Variants in SLC17A1 observed in about 807,000 individuals in gnomAD.
SLC17A1 encodes the protein solute carrier family 17 member 1.
SLC17A1 carries 51 observed loss-of-function variants against 53.5 expected under a neutral mutation model. The ratio of observed to expected loss-of-function variants is 0.95; its 90% confidence interval spans 0.76 to 1.20. SLC17A1 has a LOEUF of 1.20. Among genes scored for constraint, SLC17A1 ranks in the 50% most tolerant of loss-of-function variants. SLC17A1 has a pLI of 0.00. For missense variants in SLC17A1, 538 were observed against 568.2 expected (o/e 0.95, Z 0.54); for synonymous variants, 179 against 198.8 (o/e 0.90, Z 0.84).
the SLC17A1 span, chr6:25,769,153 G>A: frequency 6.2e-7 from 1 of 1,613,908 alleles, no homozygotes; most frequent in African/African-American, 1.3e-5. Context: ...GACTCCCAGG[G>A]CTACTGGAAT....
chr6:25,831,496 G>A (rs1393406534), intron 1 of SLC17A1, among the ~76,000 whole-genome samples: 1 of 151,952 alleles, frequency 6.6e-6, no homozygotes, highest in African/African-American at 2.4e-5. Flanking sequence ...CCACCCATAC[G>A]TATGCACCAC....
intron 12 of SLC17A1, among the ~76,000 whole-genome samples, chr6:25,791,619 G>C (rs1014142230): frequency 1.3e-5 from 2 of 152,190 alleles, no homozygotes; most frequent in African/African-American, 4.8e-5. Flanking sequence ...ATGAACAAAA[G>C]ACTATGAATT....
chr6:25,732,014 G>A, the SLC17A1 span: 1 of 1,533,524 alleles, frequency 6.5e-7, no homozygotes, highest in Non-Finnish European at 8.9e-7. Flanking sequence ...CAGTGTCCGC[G>A]TGGACCTGCT....
chr6:25,762,377 C>T, the SLC17A1 span, among the ~76,000 whole-genome samples: 249 of 152,226 alleles, frequency 1.6e-3, 5 homozygotes, highest in East Asian at 0.027. Context: ...AAGACATGTC[C>T]TATTAGATCT....
chr6:25,816,525 G>T (rs972240355), intron 6 of SLC17A1, among the ~76,000 whole-genome samples: 11 of 152,264 alleles, frequency 7.2e-5, no homozygotes, highest in Non-Finnish European at 1.2e-4. Context: ...CTAGAGAGGG[G>T]CTAGAATGGG....
chr6:25,824,300 G>T (rs534443034), intron 3 of SLC17A1, among the ~76,000 whole-genome samples: 86 of 151,740 alleles, frequency 5.7e-4, no homozygotes, highest in African/African-American at 1.8e-3. Flanking sequence ...AAGACCATTA[G>T]AAAAGAATAA....
At chr6:25,743,446 T>C in the SLC17A1 span, among the ~76,000 whole-genome samples, 6 of 152,188 alleles carry the variant, frequency 3.9e-5, no homozygotes, top group Admixed American at 3.3e-4. Flanking sequence ...TTCTAGGTTT[T>C]ATAAACCAAT....
the SLC17A1 span, chr6:25,769,315 C>A: frequency 1.1e-6 from 1 of 910,846 alleles, no homozygotes; most frequent in Non-Finnish European, 1.6e-6. Context: ...CCAGGAATGG[C>A]ACAAGTACCT....
intron 12 of SLC17A1, among the ~76,000 whole-genome samples, chr6:25,783,525 G>T (rs1763311685): frequency 6.6e-6 from 1 of 151,988 alleles, no homozygotes; most frequent in Admixed American, 6.6e-5. Context: ...CCAGGTACAT[G>T]GTATGAAACC....
chr6:25,754,578 AT>A, the SLC17A1 span: 1 of 152,214 alleles, frequency 6.6e-6, no homozygotes, highest in Non-Finnish European at 1.5e-5. Context: ...CATGAGGAAG[AT>A]TTAATGAGCT....
chr6:25,787,153 T>C (rs1254389031), intron 12 of SLC17A1, among the ~76,000 whole-genome samples: 1 of 151,968 alleles, frequency 6.6e-6, no homozygotes, highest in Non-Finnish European at 1.5e-5. Flanking sequence ...AGGGAAAAGG[T>C]AAACCCTTTG....
chr6:25,802,238 A>G (rs772690078), intron 10 of SLC17A1, among the ~76,000 whole-genome samples: 35 of 152,328 alleles, frequency 2.3e-4, no homozygotes, highest in Non-Finnish European at 3.5e-4. Context: ...CCAATTTGGA[A>G]AAGATTTTCA....
At chr6:25,725,513 T>TA in the SLC17A1 span, among the ~76,000 whole-genome samples, 2 of 152,224 alleles carry the variant, frequency 1.3e-5, no homozygotes, top group African/African-American at 4.8e-5. Flanking sequence ...AGACTGATGT[T>TA]ACCTGGATTT....
intron 10 of SLC17A1, among the ~76,000 whole-genome samples, chr6:25,801,711 T>C (rs1467710184): frequency 6.6e-6 from 1 of 152,220 alleles, no homozygotes; most frequent in Non-Finnish European, 1.5e-5. Context: ...CTTGTTTCTT[T>C]TTTTCTGATC....
chr6:25,726,500 T>C, the SLC17A1 span: 1 of 1,611,510 alleles, frequency 6.2e-7, no homozygotes, highest in African/African-American at 1.3e-5. Context: ...GCGCGTGCTT[T>C]TCCTCCCTGC....
At chr6:25,749,729 A>G in the SLC17A1 span, among the ~76,000 whole-genome samples, 5,783 of 152,192 alleles carry the variant, frequency 0.038, 153 homozygotes, top group Non-Finnish European at 0.06. Flanking sequence ...GTTCACAGAT[A>G]CTTGCTGCCT....
the SLC17A1 span, chr6:25,773,396 A>G: frequency 6.2e-7 from 1 of 1,613,168 alleles, no homozygotes. Flanking sequence ...CTCAGCAGGT[A>G]CATTGAGGAA....
At chr6:25,724,518 A>G in the SLC17A1 span, among the ~76,000 whole-genome samples, 2 of 152,342 alleles carry the variant, frequency 1.3e-5, no homozygotes, top group East Asian at 3.9e-4. Context: ...TTTTTAATAT[A>G]TTTTATTCTA....
the SLC17A1 span, among the ~76,000 whole-genome samples, chr6:25,725,042 T>C: frequency 6.9e-6 from 1 of 145,548 alleles, no homozygotes; most frequent in Non-Finnish European, 1.5e-5. Flanking sequence ...TGAGGTAAGG[T>C]CAACTGTTGA....
Sources: gnomAD v4.1 joint callset for allele counts (sites outside exome capture counted in the v4.1 genomes callset) on GRCh38, gnomAD v4.1.1 for gene constraint, MANE v1.5 for transcripts, NCBI Gene and HGNC (gene_info 2026-07-23, HGNC 2026-07-21) for gene names.